ASTN2: variants seen among roughly 807,000 people sequenced by gnomAD.
ASTN2 encodes astrotactin 2.
ASTN2 carries 54 observed loss-of-function variants against 139.8 expected under a neutral mutation model. The ratio of observed to expected loss-of-function variants is 0.39; its 90% CI spans 0.31 to 0.48. The LOEUF (loss-of-function observed/expected upper bound fraction) is 0.48, where lower values mean the gene tolerates loss of function less well. Among genes scored for constraint, ASTN2 ranks in the 20% least tolerant of loss-of-function variants. The probability of loss-of-function intolerance (pLI) is 0.95; values close to 1 mark genes in which losing one functional copy is unlikely to be tolerated. For missense variants in ASTN2, 1,565 were observed against 1,725.1 expected (o/e 0.91, Z 1.64); for synonymous variants, 756 against 719.5 (o/e 1.05, Z -0.81).
At chr9:117,245,660 G>A (rs1006798617) in intron 2 of ASTN2, among the ~76,000 whole-genome samples, 1 of 152,116 alleles carries the variant, frequency 6.6e-6, no homozygotes, top group African/African-American at 2.4e-5. Context: ...ATTCAATCAT[G>A]TCTCTTTCCC....
intron 17 of ASTN2, 63 bp from the exon 18 acceptor site, chr9:116,620,506 G>T (rs999679964): frequency 4.4e-6 from 7 of 1,600,748 alleles, no homozygotes; most frequent in Non-Finnish European, 5.1e-6. Context: ...GAGAGTAAAT[G>T]TGCTGATGGC....
chr9:116,615,609 G>GC (rs1855805082), intron 19 of ASTN2, among the ~76,000 whole-genome samples: 1 of 151,532 alleles, frequency 6.6e-6, no homozygotes. Flanking sequence ...ATCATTCTCA[G>GC]CAAACTATCA....
intron 11 of ASTN2, among the ~76,000 whole-genome samples, chr9:116,847,335 CA>C (rs1206430721): frequency 6.6e-6 from 1 of 152,078 alleles, no homozygotes; most frequent in Non-Finnish European, 1.5e-5. Flanking sequence ...AGGATGGTCT[CA>C]ATCTCTTGAC....
chr9:116,629,310 G>A (rs1856619474), intron 17 of ASTN2, among the ~76,000 whole-genome samples: 2 of 151,866 alleles, frequency 1.3e-5, no homozygotes, highest in East Asian at 3.9e-4. Flanking sequence ...GTAGAGATGG[G>A]GTTTCACTGT....
chr9:117,001,400 G>C (rs1008493391), intron 7 of ASTN2, among the ~76,000 whole-genome samples: 5 of 152,168 alleles, frequency 3.3e-5, no homozygotes, highest in Non-Finnish European at 7.3e-5. Context: ...AGTTCTAGCT[G>C]TTCTTTTAGG....
At chr9:117,074,076 C>T (rs962825325) in intron 5 of ASTN2, among the ~76,000 whole-genome samples, 3 of 129,800 alleles carry the variant, frequency 2.3e-5, no homozygotes, top group African/African-American at 5.9e-5. Flanking sequence ...AGCAAGACAG[C>T]GTTCTGTTCT....
At chr9:117,095,795 A>G (rs1486681789) in intron 5 of ASTN2, among the ~76,000 whole-genome samples, 3 of 152,206 alleles carry the variant, frequency 2.0e-5, no homozygotes, top group Non-Finnish European at 4.4e-5. Flanking sequence ...AAAAATCTGC[A>G]TAAACCAAAA....
intron 1 of ASTN2, among the ~76,000 whole-genome samples, chr9:117,330,621 T>C (rs1828676021): frequency 1.3e-5 from 2 of 152,184 alleles, no homozygotes; most frequent in Admixed American, 1.3e-4. Flanking sequence ...CCCCTTCCTC[T>C]GTGTCATTCT....
At chr9:116,770,225 G>A (rs555707716) in intron 13 of ASTN2, among the ~76,000 whole-genome samples, 5 of 152,190 alleles carry the variant, frequency 3.3e-5, no homozygotes, top group East Asian at 1.9e-4. Flanking sequence ...GGGGGTTGGT[G>A]CCCATTTGCA....
At position 117,314,435 on chromosome 9, in the gene ASTN2, C is replaced by G. The variant is rs1026020248; in HGVS notation, c.443-22922G>C. ...CAAGATCTAAATATAGCCCACCCCC[C>G]CAATTTAAAATATGAGCCAAGGACC... On this transcript the variant is annotated intron_variant, in intron 1 of 22. Coordinates refer to ENST00000313400, the MANE Select transcript of ASTN2 (RefSeq NM_001365068.1). Among the ~76,000 whole-genome samples, 4 of 151,786 alleles carry G rather than the reference C, an allele frequency of 2.6e-5. No individual in the cohort carries two copies. The South Asian group carries it at 6.2e-4, about 24-fold the overall frequency.
chr9:117,096,070 T>G lies in ASTN2; in HGVS notation c.1250A>C (p.Gln417Pro). Residue 417 changes from glutamine (Q) to proline (P), a missense_variant, in exon 5 of 23, where the codon CAG becomes CCG. Around this residue, in one of 4 missense-constraint regions of ASTN2, gnomAD observed 596 missense variants for 576.8 expected, o/e 1.03. Coordinates refer to ENST00000313400, the MANE Select transcript of ASTN2 (RefSeq NM_001365068.1). ...DETQLTFYTE[Q>P]YRSRRRSKGL... The stretch of plus-strand genomic sequence containing the variant: ...TTTGCTGCGGCGGCGACTGCGGTAC[T>G]GCTCCGTGTAGAATGTCAGCTGAGT... 6.2e-7 allele frequency: 1 copy of G among 1,614,098 alleles called. No individual in the cohort carries two copies. The highest frequency in any genetic ancestry group is 1.1e-5 in the South Asian group (1 of 91,080).
chr9:117,044,367 A>G (rs1243142677), intron 5 of ASTN2, among the ~76,000 whole-genome samples: 1 of 152,216 alleles, frequency 6.6e-6, no homozygotes, highest in African/African-American at 2.4e-5. Context: ...TCCGAAGTCC[A>G]GGAGGATGAA....
chr9:117,206,193 A>T (rs1290223742), intron 3 of ASTN2, among the ~76,000 whole-genome samples: 1 of 152,212 alleles, frequency 6.6e-6, no homozygotes, highest in Non-Finnish European at 1.5e-5. Context: ...GTGGAGAAGC[A>T]TCTGTGGTGA....
chr9:116,487,635 G>A, intron 19 of ASTN2, 135 bp from the exon 20 acceptor site: 1 of 897,974 alleles, frequency 1.1e-6, no homozygotes. Context: ...CAAAAGATAT[G>A]AAAATGAAAC....
chr9:116,429,765 C>T (rs1847437149), intron 22 of ASTN2, among the ~76,000 whole-genome samples: 3 of 152,150 alleles, frequency 2.0e-5, no homozygotes, highest in Admixed American at 2.0e-4. Flanking sequence ...GAAATATTAA[C>T]ATTCTCTAAT....
intron 13 of ASTN2, among the ~76,000 whole-genome samples, chr9:116,764,112 T>C (rs1170459288): frequency 1.3e-5 from 2 of 152,190 alleles, no homozygotes. Flanking sequence ...AAATCACATG[T>C]CTGGGCCAAG....
intron 1 of ASTN2, among the ~76,000 whole-genome samples, chr9:117,347,405 G>A (rs1043141551): frequency 6.6e-6 from 1 of 151,816 alleles, no homozygotes; most frequent in African/African-American, 2.4e-5. Flanking sequence ...GCTCTTCACT[G>A]TGCATACAAT....
chr9:116,741,361 G>C (rs1829092722), intron 13 of ASTN2, among the ~76,000 whole-genome samples: 2 of 152,126 alleles, frequency 1.3e-5, no homozygotes, highest in East Asian at 1.9e-4. Flanking sequence ...AGTTTGCAGG[G>C]AGGGGCTTGC....
At chr9:116,767,302 T>G (rs1829837552) in intron 13 of ASTN2, among the ~76,000 whole-genome samples, 2 of 152,120 alleles carry the variant, frequency 1.3e-5, no homozygotes. Flanking sequence ...TGCTTTTTGC[T>G]GGCTCCCAGA....
Sources: allele counts gnomAD v4.1 joint callset (sites outside exome capture counted in the v4.1 genomes callset), GRCh38; gene constraint gnomAD v4.1.1; regional missense constraint gnomAD v4.1.1; transcripts MANE v1.5; gene names NCBI Gene and HGNC (gene_info 2026-07-23, HGNC 2026-07-21).